Variants in FAM167B observed in about 807,000 individuals in gnomAD.
FAM167B encodes protein FAM167B.
In FAM167B, 7 loss-of-function variants were observed where a neutral mutation model predicts 15.4. That is an observed-to-expected ratio of 0.46 (90% confidence interval 0.26 to 0.86). The LOEUF is 0.86. Ranked by LOEUF, FAM167B falls within the 40% of genes least tolerant of loss-of-function variation. The pLI is 0.17. For missense variants in FAM167B, 207 were observed against 208.3 expected, an observed-to-expected ratio of 0.99 and a Z score of 0.04; for synonymous variants, 100 against 94.6, an observed-to-expected ratio of 1.06 and a Z score of -0.33.
rs748918994 is a variant in FAM167B, at chr1:32,247,608, G to A, written c.187G>A (p.Gly63Arg). ...CTGGCGCAGGGCCCAAGCCAAACCT[G>A]GACCAGGGGGACCTGGGGACATCTG... ...QAWRRAQAKP[G>R]PGGPGDICGF... is the part of the protein sequence containing the mutation. The change falls in exon 1 of 2, where the codon GGA (glycine) becomes AGA (arginine). Residue 63 changes from glycine to arginine, a missense_variant. Transcript: ENST00000373582. The A allele has an allele frequency of 1.6e-5, 25 of 1,537,168 alleles. No individual in the cohort carries two copies. In the East Asian group the frequency reaches 6.0e-4, roughly 37 times the overall value.
At position 32,247,339 on chromosome 1, in the gene FAM167B, G is replaced by T; in HGVS notation, c.-83G>T. ...CACGCTCTTCTCACCCTCAACTTCT[G>T]CCACCTCTCCCTGGGCAATACTGCC... On this transcript the variant is annotated 5_prime_UTR_variant, in exon 1 of 2. Coordinates refer to ENST00000373582, the MANE Select transcript of FAM167B (RefSeq NM_032648.3). 6.9e-7 allele frequency: 1 copy of T among 1,445,832 alleles called. No homozygotes were observed. Among genetic ancestry groups the T allele is most frequent in the Non-Finnish European group, 9.1e-7 (1 of 1,095,518 alleles). 89.6% of individuals were successfully genotyped at this position (1,445,832 alleles called of 1,614,324 possible).
chr1:32,248,671 GA>G lies in FAM167B; in HGVS notation c.*73del. ...GCTTCCCCTGCCTGCCTGGGAAGAG[GA>G]AAGGGAGGGGTGCCCCAGAGGCACC... On this transcript the variant is annotated 3_prime_UTR_variant, in exon 2 of 2. Coordinates refer to ENST00000373582, the MANE Select transcript of FAM167B (RefSeq NM_032648.3). 1 of 1,361,466 alleles carries G rather than the reference GA, an allele frequency of 7.3e-7. No individual in the cohort carries two copies. The highest frequency in any genetic ancestry group is 9.8e-7 in the Non-Finnish European group (1 of 1,021,532). 84.3% of individuals were successfully genotyped at this position (1,361,466 alleles called of 1,614,324 possible). A position where few individuals can be genotyped will look rare whatever the true frequency, so the allele number is the denominator to read the frequency against.
At chr1:32,247,854 G>T (rs1346676657) in intron 1 of FAM167B, among the ~76,000 whole-genome samples, 172 bp downstream of exon 1, 1 of 152,240 alleles carries the variant, frequency 6.6e-6, no homozygotes, top group Non-Finnish European at 1.5e-5. Flanking sequence ...GTTGTATTCA[G>T]GGAGGCTTGC....
chr1:32,247,900 C>T (rs1046405963), intron 1 of FAM167B, among the ~76,000 whole-genome samples: 17 of 152,230 alleles, frequency 1.1e-4, no homozygotes, highest in African/African-American at 3.6e-4. Context: ...TGACCTTGTG[C>T]TCCTGTTGCT....
intron 1 of FAM167B, among the ~76,000 whole-genome samples, chr1:32,248,008 T>C (rs1193000587): frequency 6.6e-6 from 1 of 152,142 alleles, no homozygotes; most frequent in East Asian, 1.9e-4. Context: ...GGCCTAAAGA[T>C]ACAGCGAAGT....
intron 1 of FAM167B, 52 bp from the exon 2 acceptor site, chr1:32,248,319 G>A (rs1639435313): frequency 6.9e-7 from 1 of 1,455,528 alleles, no homozygotes; most frequent in African/African-American, 1.4e-5. Flanking sequence ...AGGGAGAAAC[G>A]GCGCGCGGCC....
At position 32,248,442 on chromosome 1, in the gene FAM167B, G is replaced by A; in HGVS notation, c.333G>A (p.Leu111=). 6.2e-7 allele frequency: 1 copy of A among 1,605,996 alleles called. No homozygotes were observed. The highest frequency in any genetic ancestry group is 8.5e-7 in the Non-Finnish European group (1 of 1,178,346). ...GGCTGCGGGCCCAGCTGCACCGACT[G>A]AAGATGGACCAAGCCTGTCACCTGC... The part of the protein sequence containing the change: ...LLRLRAQLHR[L]KMDQACHLHQ... Residue 111 remains leucine (L), a synonymous_variant, in exon 2 of 2, where the codon CTG becomes CTA. Transcript: ENST00000373582.
chr1:32,248,247 A>C lies in FAM167B; in HGVS notation c.262-124A>C, dbSNP rs1411399755. On this transcript the variant is annotated intron_variant, in intron 1 of 1. Coordinates refer to ENST00000373582, the MANE Select transcript of FAM167B (RefSeq NM_032648.3). ...CCAGATTGGGAGATAGGGAGAGATC[A>C]AGCTGAGGTGAGAGGGGGCTGGGGA... 9.2e-6 allele frequency: 7 copies of C among 760,140 alleles called. No homozygotes were observed. In the East Asian group the frequency reaches 1.9e-4, roughly 21 times the overall value. The allele number at this position is 760,140 out of a possible 1,614,324, so 47.1% of individuals were successfully genotyped here. A position where few individuals can be genotyped will look rare whatever the true frequency, so the allele number is the denominator to read the frequency against.
Position 32,248,645 on chromosome 1 carries a change from C to A in FAM167B, c.*44C>A. ...GACTCCCCGCCCCCTCTCCCAATGC[C>A]GCTTCCCCTGCCTGCCTGGGAAGAG... On this transcript the variant is annotated 3_prime_UTR_variant, in exon 2 of 2. Transcript: ENST00000373582. 2 of 1,456,032 alleles carry A rather than the reference C, an allele frequency of 1.4e-6. No homozygotes were observed. The highest frequency in any genetic ancestry group is 1.3e-5 in the South Asian group (1 of 75,682). 90.2% of individuals were successfully genotyped at this position (1,456,032 alleles called of 1,614,324 possible).
At chr1:32,248,188 C>T (rs1639433622) in intron 1 of FAM167B, among the ~76,000 whole-genome samples, 183 bp from the exon 2 acceptor site, 1 of 152,150 alleles carries the variant, frequency 6.6e-6, no homozygotes, top group African/African-American at 2.4e-5. Context: ...TTAATAATGA[C>T]TCCTTAGCTG....
intron 1 of FAM167B, 106 bp from the exon 2 acceptor site, chr1:32,248,265 G>A (rs1312866561): frequency 5.5e-6 from 5 of 901,934 alleles, no homozygotes; most frequent in Non-Finnish European, 8.2e-6. Context: ...GTGAGAGGGG[G>A]CTGGGGAGGA....
At position 32,248,414 on chromosome 1, in the gene FAM167B, T is replaced by G; in HGVS notation, c.305T>G (p.Leu102Arg). The change falls in exon 2 of 2, where the codon CTG becomes CGG. Residue 102 changes from leucine to arginine, a missense_variant. Coordinates refer to ENST00000373582, the MANE Select transcript of FAM167B (RefSeq NM_032648.3). ...AQDRQLAGQL[L>R]RLRAQLHRLK... ...GACAGGCAGCTGGCAGGGCAGCTGC[T>G]GCGGCTGCGGGCCCAGCTGCACCGA... 1 of 1,598,694 alleles carries G rather than the reference T, an allele frequency of 6.3e-7. No homozygotes were observed. The highest frequency in any genetic ancestry group is 1.1e-5 in the South Asian group (1 of 89,258).
Position 32,247,256 on chromosome 1 carries a change from C to A in FAM167B, c.-166C>A. On this transcript the variant is annotated 5_prime_UTR_variant, in exon 1 of 2. Coordinates refer to ENST00000373582, the MANE Select transcript of FAM167B (RefSeq NM_032648.3). ...CTCACACACCCATCTGCTCACTCACCCTGGCACATTCAGCCCCCCTAACCC... is the reference window on the plus strand; with the variant it reads ...CTCACACACCCATCTGCTCACTCACACTGGCACATTCAGCCCCCCTAACCC... The A allele has an allele frequency of 1.2e-6, 1 of 836,460 alleles. No individual in the cohort carries two copies. Among genetic ancestry groups the A allele is most frequent in the East Asian group, 3.1e-5 (1 of 32,044 alleles). The allele number at this position is 836,460 out of a possible 1,614,324, so 51.8% of individuals were successfully genotyped here.
chr1:32,248,799 G>A lies in FAM167B; in HGVS notation c.*198G>A, dbSNP rs971427532. 2 of 601,494 alleles carry A rather than the reference G, an allele frequency of 3.3e-6. No homozygotes were observed. Among genetic ancestry groups the A allele is most frequent in the South Asian group, 2.0e-5 (1 of 49,118 alleles). 37.3% of individuals were successfully genotyped at this position (601,494 alleles called of 1,614,324 possible). A position where few individuals can be genotyped will look rare whatever the true frequency, so the allele number is the denominator to read the frequency against. ...TTCCTCTGCTGACCCAGCTGGGAGG[G>A]GGAGGAGGAGGAGCTCACACCCTCA... On this transcript the variant is annotated 3_prime_UTR_variant, in exon 2 of 2. Transcript: ENST00000373582.
rs1480475003 is a variant in FAM167B, at chr1:32,248,410, C to CT, written c.302dup (p.Leu102AlafsTer25). 10 of 1,597,042 alleles carry CT rather than the reference C, an allele frequency of 6.3e-6. No homozygotes were observed. In the African/African-American group the frequency reaches 9.4e-5, roughly 15 times the overall value. On this transcript the variant is annotated frameshift_variant, in exon 2 of 2. Coordinates refer to ENST00000373582, the MANE Select transcript of FAM167B (RefSeq NM_032648.3). LOFTEE classifies it high-confidence loss of function. ...GCAGGACAGGCAGCTGGCAGGGCAG[C>CT]TGCTGCGGCTGCGGGCCCAGCTGCA... is the stretch of plus-strand genomic sequence containing the variant.
At chr1:32,248,275 A>G (rs918701417) in intron 1 of FAM167B, 96 bp from the exon 2 acceptor site, 2 of 995,614 alleles carry the variant, frequency 2.0e-6, no homozygotes, top group East Asian at 2.6e-5. Flanking sequence ...GCTGGGGAGG[A>G]CACAGTCAGT....
chr1:32,247,243 T>C lies in FAM167B; in HGVS notation c.-179T>C. ...TTGCATACTTGGCCTCACACACCCA[T>C]CTGCTCACTCACCCTGGCACATTCA... On this transcript the variant is annotated 5_prime_UTR_variant, in exon 1 of 2. Transcript: ENST00000373582. The C allele has an allele frequency of 1.5e-6, 1 of 682,410 alleles. No homozygotes were observed. Among genetic ancestry groups the C allele is most frequent in the Non-Finnish European group, 2.2e-6 (1 of 455,740 alleles). The allele number at this position is 682,410 out of a possible 1,614,324, so 42.3% of individuals were successfully genotyped here. A position where few individuals can be genotyped will look rare whatever the true frequency, so the allele number is the denominator to read the frequency against.
At position 32,247,528 on chromosome 1, in the gene FAM167B, T is replaced by A; in HGVS notation, c.107T>A (p.Leu36Gln). The A allele has an allele frequency of 6.2e-7, 1 of 1,608,376 alleles. No homozygotes were observed. Among genetic ancestry groups the A allele is most frequent in the Non-Finnish European group, 8.5e-7 (1 of 1,177,246 alleles). ...SVKALTAKLQLQTRRPSYLEW... is the reference protein window; with the variant it reads ...SVKALTAKLQQQTRRPSYLEW... ...AAGGCACTGACAGCCAAGCTGCAGC[T>A]GCAGACTCGGCGGCCCTCATATCTG... The change falls in exon 1 of 2, where the codon CTG becomes CAG. Residue 36 changes from leucine (L) to glutamine (Q), a missense_variant. By Grantham distance (113) the Leu-to-Gln change is moderately radical. Transcript: ENST00000373582.
rs1448779823 is a variant in FAM167B at position 32,248,821 on chromosome 1, C to T, written c.*220C>T. On this transcript the variant is annotated 3_prime_UTR_variant, in exon 2 of 2. Coordinates refer to ENST00000373582, the MANE Select transcript of FAM167B (RefSeq NM_032648.3). ...AGGGGGAGGAGGAGGAGCTCACACC[C>T]TCAAACTCCTCAATAAACGCTTTCT... The T allele has an allele frequency of 1.7e-6, 1 of 585,366 alleles. No individual in the cohort carries two copies. Among genetic ancestry groups the T allele is most frequent in the Non-Finnish European group, 3.0e-6 (1 of 330,480 alleles). 36.3% of individuals were successfully genotyped at this position (585,366 alleles called of 1,614,324 possible). A position where few individuals can be genotyped will look rare whatever the true frequency, so the allele number is the denominator to read the frequency against.
Sources: allele counts gnomAD v4.1 joint callset (sites outside exome capture counted in the v4.1 genomes callset), GRCh38; gene constraint gnomAD v4.1.1; transcripts MANE v1.5; gene names NCBI Gene and HGNC (gene_info 2026-07-23, HGNC 2026-07-21).